Variants in DPF3 observed in about 807,000 individuals in gnomAD.
The protein encoded by DPF3 is zinc finger protein DPF3.
In DPF3, 18 loss-of-function variants were observed where a neutral mutation model predicts 56.8. The ratio of observed to expected loss-of-function variants is 0.32; its 90% CI spans 0.22 to 0.47. The LOEUF is 0.47. Among genes scored for constraint, DPF3 ranks in the 20% least tolerant of loss-of-function variants. DPF3 has a pLI of 1.00. For missense variants in DPF3, 403 were observed against 488.8 expected, an observed-to-expected ratio of 0.82 and a Z score of 1.65; for synonymous variants, 188 against 180.2, an observed-to-expected ratio of 1.04 and a Z score of -0.35.
chr14:72,734,268 G>A (rs191249880), intron 3 of DPF3, among the ~76,000 whole-genome samples: 25 of 152,352 alleles, frequency 1.6e-4, no homozygotes, highest in Non-Finnish European at 3.1e-4. Context: ...AAGAATATAG[G>A]TAACGGGGTC....
intron 8 of DPF3, among the ~76,000 whole-genome samples, chr14:72,639,846 T>C (rs1599322603): frequency 1.3e-5 from 2 of 152,038 alleles, no homozygotes; most frequent in African/African-American, 4.8e-5. Context: ...AGTAATTTCT[T>C]ACACAGATAA....
At chr14:72,667,404 A>G (rs544466874) in intron 8 of DPF3, among the ~76,000 whole-genome samples, 6 of 152,322 alleles carry the variant, frequency 3.9e-5, no homozygotes, top group East Asian at 1.9e-4. Context: ...AGAAAGTTCT[A>G]TATCTTTGGT....
intron 1 of DPF3, among the ~76,000 whole-genome samples, chr14:72,846,526 C>T (rs948311235): frequency 2.6e-5 from 4 of 151,592 alleles, no homozygotes; most frequent in Non-Finnish European, 4.4e-5. Context: ...TTAGTAGAGA[C>T]GAGGTTTCAC....
At chr14:72,804,180 GACACACACACACACACACACACACAC>G (rs545355128) in intron 1 of DPF3, among the ~76,000 whole-genome samples, 1 of 133,172 alleles carries the variant, frequency 7.5e-6, no homozygotes, top group Non-Finnish European at 1.6e-5. Context: ...TGCTTTCCAG[GACACACACACACACACACACACACAC>G]ACACACACAC....
intron 3 of DPF3, among the ~76,000 whole-genome samples, chr14:72,736,918 A>G (rs543369444): frequency 2.6e-5 from 4 of 152,252 alleles, no homozygotes; most frequent in African/African-American, 9.6e-5. Context: ...ACACATGGAT[A>G]TAAACCCATG....
chr14:72,731,749 C>T, intron 4 of DPF3, 58 bp downstream of exon 4: 2 of 1,604,292 alleles, frequency 1.2e-6, no homozygotes, highest in Admixed American at 1.7e-5. Flanking sequence ...TGCTGGAGTT[C>T]TGGAAGCGCT....
chr14:72,874,597 C>A (rs78477994), intron 1 of DPF3, among the ~76,000 whole-genome samples: 6,635 of 152,282 alleles, frequency 0.044, 225 homozygotes, highest in Non-Finnish European at 0.073. Context: ...CAAAATGCCG[C>A]CAGTCTCTTC....
chr14:72,662,422 C>CT, intron 8 of DPF3: 4 of 984,728 alleles, frequency 4.1e-6, no homozygotes, highest in Non-Finnish European at 4.8e-6. Flanking sequence ...CATGTCAGCA[C>CT]TTTTTTCCTT....
intron 7 of DPF3, chr14:72,675,862 G>A (rs1446611942): frequency 1.3e-5 from 2 of 152,202 alleles, no homozygotes; most frequent in African/African-American, 4.8e-5. Context: ...GTGTAGGCTT[G>A]TCTTCATCAG....
chr14:72,795,325 A>C (rs1441790261), intron 1 of DPF3, among the ~76,000 whole-genome samples: 1 of 143,364 alleles, frequency 7.0e-6, no homozygotes, highest in Admixed American at 6.9e-5. Context: ...TATAAGGCAG[A>C]TGGTGCCTAA....
intron 9 of DPF3, among the ~76,000 whole-genome samples, chr14:72,625,695 T>C (rs1192512427): frequency 6.6e-6 from 1 of 152,228 alleles, no homozygotes; most frequent in Non-Finnish European, 1.5e-5. Flanking sequence ...CTTATTTCTG[T>C]CTATTAATAT....
At chr14:72,662,770 C>T in intron 8 of DPF3, 1 of 990,610 alleles carries the variant, frequency 1.0e-6, no homozygotes, top group Non-Finnish European at 1.2e-6. Flanking sequence ...ATCCTGGCTT[C>T]TTTTCACCTT....
intron 1 of DPF3, chr14:72,892,136 A>AG (rs773298370): frequency 1.3e-6 from 2 of 1,531,014 alleles, no homozygotes; most frequent in South Asian, 2.4e-5. Flanking sequence ...CTTTCCCAGG[A>AG]GGAAACAAAC....
chr14:72,832,735 C>T (rs1356302883), intron 1 of DPF3, among the ~76,000 whole-genome samples: 4 of 152,262 alleles, frequency 2.6e-5, no homozygotes, highest in African/African-American at 9.6e-5. Context: ...TAATCAAAAT[C>T]CACATCCAAC....
At chr14:72,701,549 G>A (rs1032140598) in intron 6 of DPF3, among the ~76,000 whole-genome samples, 1 of 152,190 alleles carries the variant, frequency 6.6e-6, no homozygotes, top group Non-Finnish European at 1.5e-5. Context: ...CTGGGCGGGG[G>A]TCGGGGGGAG....
At chr14:72,804,887 C>A (rs1371320527) in intron 1 of DPF3, among the ~76,000 whole-genome samples, 2 of 152,150 alleles carry the variant, frequency 1.3e-5, no homozygotes, top group South Asian at 4.1e-4. Flanking sequence ...TATATCACAG[C>A]CACTAACTAG....
In DPF3 at chr14:72,646,668, C is replaced by T. The variant is rs558535814; in HGVS notation, c.872-16932G>A. Among the ~76,000 whole-genome samples the T allele has an allele frequency of 3.4e-4, 52 of 152,306 alleles. 1 individual carries two copies. The highest frequency in any genetic ancestry group is 3.1e-4 in the Non-Finnish European group (21 of 68,022). ...ATCCCCTTCCTTCAAACACACATCC[C>T]AGGCACCCATCTCTTTTGCCCTCCT... On this transcript the variant is annotated intron_variant, in intron 8 of 10. Transcript: ENST00000556509.
intron 1 of DPF3, among the ~76,000 whole-genome samples, chr14:72,787,140 T>G (rs1375312371): frequency 6.6e-6 from 1 of 152,268 alleles, no homozygotes; most frequent in Non-Finnish European, 1.5e-5. Context: ...GAGACTGTCT[T>G]TATGGCTTCC....
At chr14:72,736,073 G>A (rs1264438730) in intron 3 of DPF3, among the ~76,000 whole-genome samples, 1 of 152,168 alleles carries the variant, frequency 6.6e-6, no homozygotes, top group African/African-American at 2.4e-5. Context: ...CTGTCCAACA[G>A]AAATGTAATA....
Sources: gnomAD v4.1 joint callset for allele counts (sites outside exome capture counted in the v4.1 genomes callset) on GRCh38, gnomAD v4.1.1 for gene constraint, MANE v1.5 for transcripts, NCBI Gene and HGNC (gene_info 2026-07-23, HGNC 2026-07-21) for gene names.